The following EPHA10 variants were observed in gnomAD, a reference collection of about 807,000 sequenced individuals.
EPHA10 encodes ephrin type-A receptor 10.
Under a neutral mutation model 109.7 loss-of-function variants are expected in EPHA10, and 120 were observed. That is an observed-to-expected ratio of 1.09 (90% CI 0.94 to 1.27). The LOEUF (loss-of-function observed/expected upper bound fraction) is 1.27, where lower values mean the gene tolerates loss of function less well. Ranked by LOEUF, EPHA10 falls within the 50% of genes most tolerant of loss-of-function variation. The probability of loss-of-function intolerance (pLI) is 0.00; values close to 1 mark genes in which losing one functional copy is unlikely to be tolerated. For synonymous variants in EPHA10, 640 were observed against 618.9 expected (o/e 1.03, Z -0.51); for missense variants, 1,396 against 1,411.1 (o/e 0.99, Z 0.17).
rs1569638180 is a variant in EPHA10, at chr1:37,723,110, G to A, written c.1891C>T (p.Gln631Ter). 6.2e-7 allele frequency: 1 copy of A among 1,614,230 alleles called. No individual in the cohort carries two copies. ...LDPQSCGDLL[Q>*]AVHLFAKELD... ...TCCTTGGCGAACAGATGCACAGCCT[G>A]CAGCAGGTCCCCACAGCTCTGGGGG... Residue 631 changes from glutamine (Q) to a stop codon, truncating the protein, a stop_gained, in exon 10 of 17, where the codon CAG becomes TAG. Transcript: ENST00000373048. LOFTEE classifies it high-confidence loss of function.
At chr1:37,741,757 T>TC (rs1284088830) in intron 5 of EPHA10, among the ~76,000 whole-genome samples, 1 of 129,360 alleles carries the variant, frequency 7.7e-6, no homozygotes, top group East Asian at 3.5e-4. Context: ...GTCTGACCCT[T>TC]TAAAAAAAAA....
chr1:37,755,462 C>G (rs1646386475), intron 3 of EPHA10, among the ~76,000 whole-genome samples: 1 of 152,126 alleles, frequency 6.6e-6, no homozygotes, highest in Non-Finnish European at 1.5e-5. Context: ...TTCCCTGGAC[C>G]ATGAGTCAGA....
chr1:37,720,682 T>C, intron 12 of EPHA10, 101 bp downstream of exon 12: 1 of 1,549,278 alleles, frequency 6.5e-7, no homozygotes, highest in Non-Finnish European at 8.8e-7. Context: ...GCCCGGCCAG[T>C]GGGGATGATG....
Position 37,754,182 on chromosome 1 carries a change from C to T in EPHA10, c.1006+33G>A. On this transcript the variant is annotated intron_variant, in intron 4 of 16. Transcript: ENST00000373048. This position sits in a 1 kb window ranked among gnomAD's most constrained non-coding sequence, Gnocchi z 4.5. Reference sequence around the variant, plus strand: ...CCTTCTTGGCCACTCCCACCCCCCACCCTCCGCAGTGCAGCCTGGAGGGGG... The same window carrying T: ...CCTTCTTGGCCACTCCCACCCCCCATCCTCCGCAGTGCAGCCTGGAGGGGG... 7.9e-7 allele frequency: 1 copy of T among 1,268,040 alleles called. No homozygotes were observed. The highest frequency in any genetic ancestry group is 1.0e-6 in the Non-Finnish European group (1 of 999,280). 78.5% of individuals were successfully genotyped at this position (1,268,040 alleles called of 1,614,324 possible).
At position 37,721,666 on chromosome 1, in the gene EPHA10, T is replaced by TAAC. The variant is rs1645799109; in HGVS notation, c.2137_2139dup (p.Val713dup). 1 of 1,603,354 alleles carries TAAC rather than the reference T, an allele frequency of 6.2e-7. No individual in the cohort carries two copies. Among genetic ancestry groups the TAAC allele is most frequent in the Non-Finnish European group, 8.5e-7 (1 of 1,174,590 alleles). ...AGGGAGCACCGGGCCCTACCTCGGG[T>TAAC]AACAACGCCCTCCAGCCGCACGATG... On this transcript the variant is annotated inframe_insertion, in exon 11 of 17. Transcript: ENST00000373048.
At chr1:37,719,838 C>T (rs1569619894) in intron 14 of EPHA10, 71 bp downstream of exon 14, 2 of 1,610,500 alleles carry the variant, frequency 1.2e-6, no homozygotes, top group Middle Eastern at 1.7e-4. Flanking sequence ...GGCCAACGGG[C>T]AGAGGTCAGG....
chr1:37,722,529 G>T (rs1352486315), intron 10 of EPHA10, among the ~76,000 whole-genome samples: 3 of 152,194 alleles, frequency 2.0e-5, no homozygotes, highest in Non-Finnish European at 2.9e-5. Context: ...GCAGAAGACT[G>T]GCCCTTAGAG....
At chr1:37,763,125 A>T (rs499168) in intron 1 of EPHA10, among the ~76,000 whole-genome samples, 96,596 of 152,028 alleles carry the variant, frequency 0.64, 31,341 homozygotes, top group East Asian at 0.8. Context: ...AAACAACACA[A>T]TATTTTTCTG....
At chr1:37,737,420 A>G (rs988233465) in intron 5 of EPHA10, among the ~76,000 whole-genome samples, 3 of 152,228 alleles carry the variant, frequency 2.0e-5, no homozygotes, top group Non-Finnish European at 4.4e-5. Context: ...ATATAGACCA[A>G]TGAAACAGAA....
chr1:37,758,403 T>G (rs1312738371), intron 3 of EPHA10, among the ~76,000 whole-genome samples: 1 of 152,200 alleles, frequency 6.6e-6, no homozygotes, highest in Non-Finnish European at 1.5e-5. Context: ...CTAGATTCCC[T>G]GACTCAAGCT....
intron 5 of EPHA10, among the ~76,000 whole-genome samples, chr1:37,741,861 G>A (rs947252507): frequency 1.3e-5 from 2 of 152,108 alleles, no homozygotes; most frequent in African/African-American, 4.8e-5. Context: ...ATCCCCCGGG[G>A]GCGCTTCTCA....
chr1:37,752,718 G>C (rs1020986479), intron 5 of EPHA10, among the ~76,000 whole-genome samples, 158 bp downstream of exon 5: 1 of 148,746 alleles, frequency 6.7e-6, no homozygotes, highest in Non-Finnish European at 1.5e-5. Context: ...GTCCGGGGGG[G>C]TGACTTTGTG....
intron 5 of EPHA10, among the ~76,000 whole-genome samples, chr1:37,742,815 G>T (rs973611638): frequency 6.6e-6 from 1 of 151,954 alleles, no homozygotes; most frequent in Non-Finnish European, 1.5e-5. Context: ...GCAATACTCC[G>T]TCTCTACAAA....
intron 8 of EPHA10, 141 bp from the exon 9 acceptor site, chr1:37,723,513 T>G: frequency 1.0e-6 from 1 of 955,070 alleles, no homozygotes; most frequent in Non-Finnish European, 1.5e-6. Flanking sequence ...CCAGCTGGTT[T>G]AAAAGCTTCT....
rs181648259 is a variant in EPHA10 at position 37,764,502 on chromosome 1, C to G, written c.106+459G>C. On this transcript the variant is annotated intron_variant, in intron 1 of 16. Coordinates refer to ENST00000373048, the MANE Select transcript of EPHA10 (RefSeq NM_001099439.2). The surrounding 1 kb of genome is among the most constrained non-coding windows in gnomAD (Gnocchi z 5.8). ...CATGATCAGCACGTCGGGCAGCGCC[C>G]GGATCCAGCCCCCTCGACCAGCATT... 6.6e-6 allele frequency among the ~76,000 whole-genome samples: 1 copy of G among 152,234 alleles called. No homozygotes were observed. The highest frequency in any genetic ancestry group is 1.5e-5 in the Non-Finnish European group (1 of 68,040).
chr1:37,758,254 C>T (rs987975842), intron 3 of EPHA10, among the ~76,000 whole-genome samples: 1 of 152,158 alleles, frequency 6.6e-6, no homozygotes, highest in African/African-American at 2.4e-5. Context: ...ATGGGGATCC[C>T]CCCCATATAC....
At position 37,721,659 on chromosome 1, in the gene EPHA10, C is replaced by A; in HGVS notation, c.2146+1G>T. ...AGCAGGAAGGGAGCACCGGGCCCTA[C>A]CTCGGGTAACAACGCCCTCCAGCCG... is the stretch of plus-strand genomic sequence containing the variant. On this transcript the variant is annotated splice_donor_variant, in intron 11 of 16. Transcript: ENST00000373048. LOFTEE classifies it high-confidence loss of function. The A allele has an allele frequency of 6.2e-7, 1 of 1,602,016 alleles. No homozygotes were observed. Among genetic ancestry groups the A allele is most frequent in the Non-Finnish European group, 8.5e-7 (1 of 1,173,584 alleles).
chr1:37,761,307 C>T lies in EPHA10; in HGVS notation c.850+98G>A. The T allele has an allele frequency of 1.9e-6, 3 of 1,548,358 alleles. No individual in the cohort carries two copies. In the South Asian group the frequency reaches 3.7e-5, roughly 19 times the overall value. On this transcript the variant is annotated intron_variant, in intron 3 of 16. Transcript: ENST00000373048. ...GAGTCCAAGGCTTCTCCACCGCCCC[C>T]CGACCCCACACCCGCCTCTTTCCTC...
At position 37,752,107 on chromosome 1, in the gene EPHA10, C is replaced by T. The variant is rs1033714408; in HGVS notation, c.1357+769G>A. Among the ~76,000 whole-genome samples the T allele has an allele frequency of 3.3e-5, 5 of 152,036 alleles. No individual in the cohort carries two copies. In the East Asian group the frequency reaches 9.7e-4, roughly 29 times the overall value. On this transcript the variant is annotated intron_variant, in intron 5 of 16. Coordinates refer to ENST00000373048, the MANE Select transcript of EPHA10 (RefSeq NM_001099439.2). ...GCTCGATTAGGAAGGGAGTCAGAAA[C>T]CATACCACTCGCTTATCTTTCTTGC... is the stretch of plus-strand genomic sequence containing the variant.
Sources: allele counts gnomAD v4.1 joint callset (sites outside exome capture counted in the v4.1 genomes callset), GRCh38; gene constraint gnomAD v4.1.1; non-coding constraint Gnocchi (gnomAD v3.1); transcripts MANE v1.5; gene names NCBI Gene and HGNC (gene_info 2026-07-23, HGNC 2026-07-21).